Variants in DOCK7 observed in about 807,000 individuals in gnomAD.
DOCK7 encodes dedicator of cytokinesis protein 7.
In DOCK7, 138 loss-of-function variants were observed where a neutral mutation model predicts 271.0. The ratio of observed to expected loss-of-function variants is 0.51; its 90% CI spans 0.44 to 0.59. The LOEUF is 0.59. DOCK7 is among the 20% of genes least tolerant of loss of function. DOCK7 has a pLI of 0.00. For missense variants in DOCK7, 2,066 were observed against 2,592.4 expected, an observed-to-expected ratio of 0.80 and a Z score of 4.41; for synonymous variants, 823 against 876.1, an observed-to-expected ratio of 0.94 and a Z score of 1.07.
At chr1:62,679,519 T>A (rs994651684) in intron 1 of DOCK7, among the ~76,000 whole-genome samples, 4 of 152,050 alleles carry the variant, frequency 2.6e-5, no homozygotes, top group Non-Finnish European at 5.9e-5. Flanking sequence ...TAAGAAGAAA[T>A]TCAAATCATC....
intron 18 of DOCK7, among the ~76,000 whole-genome samples, chr1:62,575,063 CTA>C (rs914933010): frequency 6.6e-6 from 1 of 152,220 alleles, no homozygotes; most frequent in African/African-American, 2.4e-5. Context: ...TGGGGTCTTG[CTA>C]TGTTTCCCAG....
At chr1:62,597,751 A>G (rs1356877257) in intron 14 of DOCK7, 8 of 1,613,598 alleles carry the variant, frequency 5.0e-6, no homozygotes, top group East Asian at 4.5e-5. Flanking sequence ...GACTTTGTCC[A>G]TAAGACGAAG....
intron 37 of DOCK7, among the ~76,000 whole-genome samples, chr1:62,501,194 C>CA (rs377747846): frequency 1.3e-5 from 2 of 151,910 alleles, no homozygotes; most frequent in East Asian, 1.9e-4. Context: ...CTAAAACAAA[C>CA]AAAAAAACAC....
rs138788149 is a variant in DOCK7 at position 62,519,461 on chromosome 1, A to G, written c.3937-5563T>C. Among the ~76,000 whole-genome samples, 582 of 152,326 alleles carry G rather than the reference A, an allele frequency of 3.8e-3. 7 individuals are homozygous for G. Among genetic ancestry groups the G allele is most frequent in the African/African-American group, 0.014 (565 of 41,570 alleles). On this transcript the variant is annotated intron_variant, in intron 31 of 49. Transcript: ENST00000635253. ...AAAATCAGAAACAAGGATATCTAGA[A>G]ATTTTCATGACTGAAAATTTAAGAC... is the stretch of plus-strand genomic sequence containing the variant.
intron 1 of DOCK7, among the ~76,000 whole-genome samples, chr1:62,684,567 G>A (rs1265269191): frequency 6.6e-6 from 1 of 151,978 alleles, no homozygotes; most frequent in East Asian, 1.9e-4. Context: ...TGCCTCTCTG[G>A]GTTATGAAGA....
At position 62,487,238 on chromosome 1, in the gene DOCK7, A is replaced by C. The variant is rs992769779; in HGVS notation, c.5508+160T>G. The C allele has an allele frequency of 1.8e-5, 11 of 611,898 alleles. No individual in the cohort carries two copies. In the Admixed American group the frequency reaches 2.7e-4, roughly 15 times the overall value. 37.9% of individuals were successfully genotyped at this position (611,898 alleles called of 1,614,324 possible). ...CTCATAATAAGATATTTCTTAAAAT[A>C]ACTTACAATATTTTAACAAAATTTC... is the stretch of plus-strand genomic sequence containing the variant. On this transcript the variant is annotated intron_variant, in intron 43 of 49. Transcript: ENST00000635253.
chr1:62,630,306 C>T (rs774902490), intron 11 of DOCK7, among the ~76,000 whole-genome samples: 23 of 152,150 alleles, frequency 1.5e-4, no homozygotes, highest in Non-Finnish European at 2.6e-4. Flanking sequence ...ACATAAACTG[C>T]ATGCTTTTTC....
intron 1 of DOCK7, 44 bp downstream of exon 1, chr1:62,688,183 T>C (rs1371251122): frequency 1.7e-5 from 23 of 1,351,932 alleles, no homozygotes; most frequent in African/African-American, 3.0e-5. Flanking sequence ...TCCGCGGCTC[T>C]TTCTCGGGCG....
At chr1:62,487,914 C>T (rs1646344467) in intron 42 of DOCK7, 1 of 152,410 alleles carries the variant, frequency 6.6e-6, no homozygotes, top group African/African-American at 2.4e-5. Flanking sequence ...AAAAGACCTA[C>T]CTGTCATGGT....
chr1:62,481,386 A>G (rs1015450875), intron 43 of DOCK7: 2 of 152,126 alleles, frequency 1.3e-5, no homozygotes, highest in South Asian at 2.1e-4. Context: ...GAATTTGACT[A>G]TTTTCAACTT....
Position 62,512,207 on chromosome 1 carries a change from C to G in DOCK7, c.4282+1237G>C, listed in dbSNP as rs1221032811. On this transcript the variant is annotated intron_variant, in intron 33 of 49. Coordinates refer to ENST00000635253, the MANE Select transcript of DOCK7 (RefSeq NM_001367561.1). ...GAAAACAATTAAAAATCCATTCACA[C>G]TTACATTCATATTTTAAGTCAACAA... Among the ~76,000 whole-genome samples the G allele has an allele frequency of 2.6e-5, 4 of 152,278 alleles. No homozygotes were observed. In the East Asian group the frequency reaches 7.7e-4, roughly 29 times the overall value.
intron 25 of DOCK7, among the ~76,000 whole-genome samples, chr1:62,541,044 T>C (rs1339323913): frequency 6.6e-6 from 1 of 152,238 alleles, no homozygotes; most frequent in Non-Finnish European, 1.5e-5. Flanking sequence ...GACCACCCTA[T>C]GACATACTCT....
At chr1:62,621,104 TGAG>T (rs1276743197) in intron 12 of DOCK7, among the ~76,000 whole-genome samples, 7 of 148,828 alleles carry the variant, frequency 4.7e-5, no homozygotes, top group Non-Finnish European at 8.9e-5. Flanking sequence ...CTGGCTAAGG[TGAG>T]GAGGAGAAGA....
At chr1:62,494,669 G>GA in intron 39 of DOCK7, 1 of 371,684 alleles carries the variant, frequency 2.7e-6, no homozygotes, top group Non-Finnish European at 4.8e-6. Context: ...GTTGGTGGGG[G>GA]GGGCAGGAGG....
intron 37 of DOCK7, among the ~76,000 whole-genome samples, chr1:62,502,318 A>G (rs994497337): frequency 1.3e-5 from 2 of 152,226 alleles, no homozygotes; most frequent in African/African-American, 4.8e-5. Context: ...ACCTCTTGCC[A>G]TATGACTGAG....
intron 30 of DOCK7, among the ~76,000 whole-genome samples, chr1:62,528,935 T>C (rs911087640): frequency 1.8e-4 from 27 of 152,190 alleles, no homozygotes; most frequent in Admixed American, 1.5e-3. Context: ...TTTATATATA[T>C]GAATCAAGTC....
intron 48 of DOCK7, among the ~76,000 whole-genome samples, chr1:62,469,335 C>T (rs1378829164): frequency 6.6e-6 from 1 of 152,136 alleles, no homozygotes; most frequent in Non-Finnish European, 1.5e-5. Flanking sequence ...ACACCCTATT[C>T]AACAAATGAT....
chr1:62,663,201 G>T, intron 1 of DOCK7, 71 bp from the exon 2 acceptor site: 1 of 1,185,438 alleles, frequency 8.4e-7, no homozygotes, highest in Non-Finnish European at 1.2e-6. Context: ...AAAATGGAGG[G>T]AAGCTAAATA....
At chr1:62,669,910 G>A (rs555542925) in intron 1 of DOCK7, among the ~76,000 whole-genome samples, 2 of 152,182 alleles carry the variant, frequency 1.3e-5, no homozygotes, top group Non-Finnish European at 2.9e-5. Flanking sequence ...AGCGGGAACC[G>A]GGGCTGTGTG....
Sources: allele counts gnomAD v4.1 joint callset (sites outside exome capture counted in the v4.1 genomes callset), GRCh38; gene constraint gnomAD v4.1.1; transcripts MANE v1.5; gene names NCBI Gene and HGNC (gene_info 2026-07-23, HGNC 2026-07-21).